Variants in TMC1 observed in about 807,000 individuals in gnomAD.
TMC1 encodes transmembrane channel like 1, also known as transmembrane channel-like protein 1.
A neutral mutation model predicts 105.8 loss-of-function variants in TMC1; 84 were observed. The ratio of observed to expected loss-of-function variants is 0.79; its 90% CI spans 0.67 to 0.95. TMC1 has a LOEUF of 0.95. TMC1 is among the 40% of genes least tolerant of loss of function. TMC1 has a pLI of 0.00. For synonymous variants in TMC1, 315 were observed against 311.5 expected, an observed-to-expected ratio of 1.01 and a Z score of -0.12; for missense variants, 817 against 914.1, an observed-to-expected ratio of 0.89 and a Z score of 1.37.
At chr9:72,625,745 C>G (rs1435064441) in intron 3 of TMC1, among the ~76,000 whole-genome samples, 1 of 150,882 alleles carries the variant, frequency 6.6e-6, no homozygotes, top group African/African-American at 2.4e-5. Context: ...ATTGAATGCT[C>G]TCAGAAAATG....
intron 1 of TMC1, among the ~76,000 whole-genome samples, chr9:72,544,452 C>T (rs568383540): frequency 6.6e-6 from 1 of 151,104 alleles, no homozygotes; most frequent in Non-Finnish European, 1.5e-5. Flanking sequence ...TGATCTTAGC[C>T]CTTCCCTTTG....
chr9:72,683,761 A>G (rs1826331682), intron 5 of TMC1, among the ~76,000 whole-genome samples: 1 of 127,686 alleles, frequency 7.8e-6, no homozygotes, highest in African/African-American at 2.8e-5. Context: ...ATATATATAT[A>G]TATATATATA....
intron 4 of TMC1, among the ~76,000 whole-genome samples, chr9:72,640,288 A>T (rs913097462): frequency 3.3e-5 from 5 of 152,152 alleles, no homozygotes; most frequent in Non-Finnish European, 5.9e-5. Context: ...ACATTTTAGC[A>T]CTCAAAAGTA....
intron 4 of TMC1, among the ~76,000 whole-genome samples, chr9:72,643,733 A>G (rs1490288043): frequency 6.6e-6 from 1 of 152,202 alleles, no homozygotes; most frequent in Admixed American, 6.5e-5. Context: ...GGCTGTGACA[A>G]AGATTCATGT....
chr9:72,698,726 T>C (rs1337241203), intron 7 of TMC1, among the ~76,000 whole-genome samples: 2 of 152,128 alleles, frequency 1.3e-5, no homozygotes, highest in East Asian at 3.8e-4. Context: ...GAAAACACTG[T>C]AGCGTAGAGG....
chr9:72,669,920 G>A (rs1459213807), intron 5 of TMC1, among the ~76,000 whole-genome samples: 1 of 152,138 alleles, frequency 6.6e-6, no homozygotes, highest in African/African-American at 2.4e-5. Flanking sequence ...AAACAAATTA[G>A]GTGAGCCTGT....
chr9:72,805,448 C>T lies in TMC1; in HGVS notation c.1633C>T (p.Leu545=). 2 of 1,613,516 alleles carry T rather than the reference C, an allele frequency of 1.2e-6. No individual in the cohort carries two copies. Among genetic ancestry groups the T allele is most frequent in the South Asian group, 1.1e-5 (1 of 91,064 alleles). The stretch of plus-strand genomic sequence containing the variant: ...CGTCACAATCCTCATTGGGGACTTT[C>T]TAAGGGCATGTTTTGTGAGGTTTTG... The part of the protein sequence containing the change: ...TYVTILIGDF[L]RACFVRFCNY... Residue 545 remains leucine, a synonymous_variant, in exon 18 of 24, where the codon CTA becomes TTA. Transcript: ENST00000297784.
chr9:72,570,676 CTTTTTTTTTTTTTTTTTT>C (rs529953890), intron 1 of TMC1, among the ~76,000 whole-genome samples: 6 of 75,614 alleles, frequency 7.9e-5, no homozygotes, highest in South Asian at 4.9e-4. Flanking sequence ...GCCAAATTTC[CTTTTTTTTTTTTTTTTTT>C]TTTTTTTTTT....
At chr9:72,672,149 G>T (rs937903207) in intron 5 of TMC1, among the ~76,000 whole-genome samples, 25 of 152,112 alleles carry the variant, frequency 1.6e-4, no homozygotes, top group African/African-American at 4.3e-4. Flanking sequence ...CATCCAACTG[G>T]ATCACTTTGA....
At chr9:72,607,002 T>TATAGAGAGAGAGAGAGAGAGAGAGAGAG (rs372785242) in intron 2 of TMC1, among the ~76,000 whole-genome samples, 1 of 134,904 alleles carries the variant, frequency 7.4e-6, no homozygotes, top group Non-Finnish European at 1.6e-5. Flanking sequence ...TATATATATA[T>TATAGAGAGAGAGAGAGAGAGAGAGAGAG]AGAGAGAGAG....
At chr9:72,628,248 G>A (rs1825384964) in intron 4 of TMC1, 185 bp downstream of exon 4, 1 of 309,544 alleles carries the variant, frequency 3.2e-6, no homozygotes, top group African/African-American at 2.2e-5. Context: ...TAGCATGTGG[G>A]ACTTAAAAAC....
intron 3 of TMC1, among the ~76,000 whole-genome samples, chr9:72,618,189 C>T (rs575610066): frequency 1.1e-4 from 16 of 151,640 alleles, no homozygotes; most frequent in African/African-American, 3.1e-4. Context: ...CCACCACGCC[C>T]GGCTAATTTT....
chr9:72,690,247 A>T (rs1254903419), intron 6 of TMC1, among the ~76,000 whole-genome samples: 1 of 152,108 alleles, frequency 6.6e-6, no homozygotes, highest in Non-Finnish European at 1.5e-5. Context: ...ACTTTCCTTG[A>T]CACTTAATAT....
At chr9:72,810,872 A>G (rs1315376849) in intron 18 of TMC1, among the ~76,000 whole-genome samples, 1 of 152,202 alleles carries the variant, frequency 6.6e-6, no homozygotes, top group African/African-American at 2.4e-5. Flanking sequence ...CTTCATAGAT[A>G]AATCATAGTG....
At chr9:72,806,179 C>G (rs1360892699) in intron 18 of TMC1, among the ~76,000 whole-genome samples, 1 of 146,036 alleles carries the variant, frequency 6.8e-6, no homozygotes, top group Non-Finnish European at 1.5e-5. Context: ...GGGGGCTGAC[C>G]CCCCACCTCC....
chr9:72,654,768 T>C (rs1285055036), intron 5 of TMC1, among the ~76,000 whole-genome samples: 2 of 152,090 alleles, frequency 1.3e-5, no homozygotes, highest in African/African-American at 2.4e-5. Context: ...TCATATTTTC[T>C]CATGTATTTG....
chr9:72,586,549 C>T (rs1160530646), intron 2 of TMC1, among the ~76,000 whole-genome samples: 1 of 152,056 alleles, frequency 6.6e-6, no homozygotes, highest in Non-Finnish European at 1.5e-5. Context: ...AAACTCACAC[C>T]CTACGTGCGA....
Position 72,544,461 on chromosome 9 carries a change from T to C in TMC1, c.-428+22548T>C, listed in dbSNP as rs537317740. Among the ~76,000 whole-genome samples, 12 of 150,190 alleles carry C rather than the reference T, an allele frequency of 8.0e-5. No individual in the cohort carries two copies. In the South Asian group the frequency reaches 2.5e-3, roughly 31 times the overall value. Reference sequence around the variant, plus strand: ...GTGGACTGATCTTAGCCCTTCCCTTTGTTGTTGATTTTTTAACTTTTTTTT... The same window carrying C: ...GTGGACTGATCTTAGCCCTTCCCTTCGTTGTTGATTTTTTAACTTTTTTTT... On this transcript the variant is annotated intron_variant, in intron 1 of 23. Transcript: ENST00000297784.
In TMC1 at chr9:72,724,104, AT is replaced by A. The variant is rs556294235; in HGVS notation, c.363-16013del. ...GTTTTCCAATATTCTTGGCAATCTT[AT>A]TCACTAATTTCCACGGACATTTAAT... On this transcript the variant is annotated intron_variant, in intron 8 of 23. Coordinates refer to ENST00000297784, the MANE Select transcript of TMC1 (RefSeq NM_138691.3). Among the ~76,000 whole-genome samples the A allele has an allele frequency of 4.9e-3, 754 of 152,336 alleles. 6 individuals carry two copies. Among genetic ancestry groups the A allele is most frequent in the African/African-American group, 0.017 (727 of 41,576 alleles).
Sources: gnomAD v4.1 joint callset for allele counts (sites outside exome capture counted in the v4.1 genomes callset) on GRCh38, gnomAD v4.1.1 for gene constraint, MANE v1.5 for transcripts, NCBI Gene and HGNC (gene_info 2026-07-23, HGNC 2026-07-21) for gene names.